The following ZDHHC11 variants were observed in gnomAD, a reference collection of about 807,000 sequenced individuals.
ZDHHC11 encodes the protein palmitoyltransferase ZDHHC11.
A neutral mutation model predicts 51.3 loss-of-function variants in ZDHHC11; 44 were observed. The ratio of observed to expected loss-of-function variants is 0.86; its 90% CI spans 0.67 to 1.10. The LOEUF (loss-of-function observed/expected upper bound fraction) is 1.10, where lower values mean the gene tolerates loss of function less well. Ranked by LOEUF, ZDHHC11 falls within the 50% of genes least tolerant of loss-of-function variation. The pLI, the probability that ZDHHC11 is intolerant of heterozygous loss-of-function variation, is 0.00. For synonymous variants in ZDHHC11, 163 were observed against 222.0 expected (o/e 0.73, Z 2.36); for missense variants, 400 against 537.7 (o/e 0.74, Z 2.53).
intron 12 of ZDHHC11, among the ~76,000 whole-genome samples, chr5:800,737 A>T (rs562752055): frequency 6.6e-6 from 1 of 151,604 alleles, no homozygotes; most frequent in East Asian, 1.9e-4. Context: ...GCATCTAATC[A>T]GAGACCATCT....
intron 1 of ZDHHC11, among the ~76,000 whole-genome samples, chr5:850,079 G>A (rs1164815810): frequency 3.9e-5 from 6 of 152,268 alleles, no homozygotes; most frequent in Admixed American, 2.6e-4. Context: ...GCTGCGCAGG[G>A]ATTTTAGCGG....
At chr5:801,588 C>A (rs551234837) in intron 11 of ZDHHC11, among the ~76,000 whole-genome samples, 3 of 151,148 alleles carry the variant, frequency 2.0e-5, no homozygotes, top group African/African-American at 4.9e-5. Flanking sequence ...TGTTTTTATA[C>A]CCACATCTTG....
rs960791931 is a variant in ZDHHC11 at position 802,804 on chromosome 5, T to C, written c.1182-1640A>G. On this transcript the variant is annotated intron_variant, in intron 11 of 12. Transcript: ENST00000283441. ...CTGGCTAACATGGTGAAACTCTGTC[T>C]CTACTAAAAATACAAAAATACAAAA... Among the ~76,000 whole-genome samples the C allele has an allele frequency of 1.6e-4, 16 of 99,966 alleles. No individual in the cohort carries two copies. The Admixed American group carries it at 2.3e-3, about 15-fold the overall frequency. 65.6% of individuals were successfully genotyped at this position (99,966 alleles called of 152,430 possible).
intron 6 of ZDHHC11, among the ~76,000 whole-genome samples, chr5:834,070 C>T (rs1246809749): frequency 3.9e-5 from 6 of 152,270 alleles, no homozygotes; most frequent in African/African-American, 1.4e-4. Flanking sequence ...AGTGTGGTGG[C>T]ACTTTACACC....
upstream of ZDHHC11, among the ~76,000 whole-genome samples, chr5:855,650 CCA>C (rs1748109933): frequency 6.7e-6 from 1 of 148,778 alleles, no homozygotes; most frequent in Admixed American, 6.7e-5. Context: ...GGCACAGACC[CCA>C]CAGAGGACAG....
At chr5:848,936 G>A (rs1377165550) in intron 1 of ZDHHC11, among the ~76,000 whole-genome samples, 2 of 151,874 alleles carry the variant, frequency 1.3e-5, no homozygotes, top group Non-Finnish European at 2.9e-5. Context: ...TGCACAGCCA[G>A]CCCTGCACAC....
At position 825,242 on chromosome 5, in the gene ZDHHC11, G is replaced by A. The variant is rs373280915; in HGVS notation, c.945C>T (p.Ala315=). Residue 315 remains alanine (A), a synonymous_variant, in exon 8 of 13, where the codon GCC becomes GCT. Coordinates refer to ENST00000283441, the MANE Select transcript of ZDHHC11 (RefSeq NM_024786.3). ...ALGSSAQGVK[A]KSSLLIHKHL... The stretch of plus-strand genomic sequence containing the variant: ...GCTTGTGAATCAGCAGGGAGCTCTT[G>A]GCTTTGACTCTGGTGGGACAGAAAG... The A allele has an allele frequency of 2.5e-6, 4 of 1,612,484 alleles. No homozygotes were observed. The highest frequency in any genetic ancestry group is 3.4e-6 in the Non-Finnish European group (4 of 1,178,998).
At chr5:857,341 C>T (rs991845445) in intron 1 of ZDHHC11, among the ~76,000 whole-genome samples, 2 of 152,192 alleles carry the variant, frequency 1.3e-5, no homozygotes, top group Admixed American at 6.5e-5. Flanking sequence ...GGGACTCCAT[C>T]CTTCTCTGCA....
At position 825,222 on chromosome 5, in the gene ZDHHC11, T is replaced by G. The variant is rs1742173197; in HGVS notation, c.965A>C (p.His322Pro). The G allele has an allele frequency of 1.9e-6, 3 of 1,612,686 alleles. No homozygotes were observed. The highest frequency in any genetic ancestry group is 2.7e-5 in the African/African-American group (2 of 74,786). ...AGTGCAGAAGTGACATAAGTGCTTG[T>G]GAATCAGCAGGGAGCTCTTGGCTTT... ...GVKAKSSLLI[H>P]KHLCHFCTSV... Residue 322 changes from histidine (H) to proline (P), a missense_variant, in exon 8 of 13, where the codon CAC becomes CCC. This residue lies in a region of ZDHHC11 where 231 missense variants were observed against 227.4 expected (regional missense o/e 1.02). Transcript: ENST00000283441.
rs190869209 is a variant in ZDHHC11 at position 797,657 on chromosome 5, G to T, written c.*8-1077C>A. On this transcript the variant is annotated intron_variant, in intron 12 of 12. Transcript: ENST00000283441. ...TATCTGCTTTGTAATTTAAAAAATA[G>T]TTTTCTGTTCTCTTCAGATATTTCT... is the stretch of plus-strand genomic sequence containing the variant. Among the ~76,000 whole-genome samples, 76 of 151,526 alleles carry T rather than the reference G, an allele frequency of 5.0e-4. 1 individual carries two copies. The highest frequency in any genetic ancestry group is 1.7e-3 in the African/African-American group (71 of 41,360).
upstream of ZDHHC11, among the ~76,000 whole-genome samples, chr5:852,255 TAGAG>T (rs1747334531): frequency 6.6e-6 from 1 of 151,998 alleles, no homozygotes; most frequent in African/African-American, 2.4e-5. Flanking sequence ...CCACAGATCT[TAGAG>T]AGGAGAAGAG....
At chr5:806,025 GACACC>G (rs1414742219) in intron 11 of ZDHHC11, among the ~76,000 whole-genome samples, 1 of 151,286 alleles carries the variant, frequency 6.6e-6, no homozygotes, top group East Asian at 1.9e-4. Flanking sequence ...CTGACGTCAG[GACACC>G]AGAGGTGTGG....
intron 1 of ZDHHC11, 23 bp downstream of exon 1, chr5:850,358 C>T (rs72491326): frequency 1.2e-6 from 2 of 1,611,588 alleles, no homozygotes; most frequent in Non-Finnish European, 1.7e-6. Context: ...CCCGCTTAGA[C>T]CATGCCACGA....
At chr5:836,189 C>T (rs1352717949) in intron 6 of ZDHHC11, among the ~76,000 whole-genome samples, 2 of 150,212 alleles carry the variant, frequency 1.3e-5, no homozygotes, top group African/African-American at 2.5e-5. Flanking sequence ...GCTTTCCTAT[C>T]ATTCCTAGGT....
Position 850,668 on chromosome 5 carries a change from C to T in ZDHHC11, c.-66G>A. On this transcript the variant is annotated 5_prime_UTR_variant, in exon 1 of 13. Transcript: ENST00000283441. ...TGGGAGGGCCGGCCCCGCCCACTGT[C>T]ACAGAGACCAAGGGGACTGGGAATG... 1.3e-6 allele frequency: 2 copies of T among 1,579,110 alleles called. No homozygotes were observed. Among genetic ancestry groups the T allele is most frequent in the South Asian group, 2.3e-5 (2 of 86,670 alleles).
chr5:834,875 G>A (rs1486756829), intron 6 of ZDHHC11, among the ~76,000 whole-genome samples: 1 of 151,902 alleles, frequency 6.6e-6, no homozygotes, highest in Non-Finnish European at 1.5e-5. Flanking sequence ...TATAAGCACT[G>A]GGAAACCAGA....
chr5:814,786 C>T lies in ZDHHC11; in HGVS notation c.1156G>A (p.Asp386Asn), dbSNP rs1053689511. The change falls in exon 11 of 13, where the codon GAT becomes AAT. Residue 386 changes from aspartate to asparagine, a missense_variant. This residue lies in a region of ZDHHC11 where 231 missense variants were observed against 227.4 expected (regional missense o/e 1.02). Transcript: ENST00000283441. Reference sequence around the variant, plus strand: ...CCAAGTGTAGATATACTCGGGGCATCATCTGCTTCCTGTGGGGGGAAGGGA... The same window carrying T: ...CCAAGTGTAGATATACTCGGGGCATTATCTGCTTCCTGTGGGGGGAAGGGA... ...DGGSMAQEAD[D>N]APSISTLGLQ... 1.2e-5 allele frequency: 18 copies of T among 1,547,312 alleles called. 1 individual carries two copies. The highest frequency in any genetic ancestry group is 1.4e-5 in the Non-Finnish European group (16 of 1,146,600).
chr5:800,131 C>T (rs1323376361), intron 12 of ZDHHC11, among the ~76,000 whole-genome samples: 2 of 151,304 alleles, frequency 1.3e-5, no homozygotes, highest in East Asian at 1.9e-4. Context: ...TGCTGGGAGA[C>T]CTTGACCTTC....
rs569520235 is a variant in ZDHHC11, at chr5:812,413, C to T, written c.1181+2348G>A. On this transcript the variant is annotated intron_variant, in intron 11 of 12. Transcript: ENST00000283441. Reference sequence around the variant, plus strand: ...ACAAACAACTCCATTTAAAAGTGCGCAAACCTTTGAAAAGCTAATTCATAC... The same window carrying T: ...ACAAACAACTCCATTTAAAAGTGCGTAAACCTTTGAAAAGCTAATTCATAC... Among the ~76,000 whole-genome samples the T allele has an allele frequency of 3.2e-4, 49 of 151,880 alleles. 1 individual carries two copies. The highest frequency in any genetic ancestry group is 6.3e-4 in the Non-Finnish European group (43 of 67,850).
Sources: gnomAD v4.1 joint callset for allele counts (sites outside exome capture counted in the v4.1 genomes callset) on GRCh38, gnomAD v4.1.1 for gene constraint, gnomAD v4.1.1 regional missense constraint, MANE v1.5 for transcripts, NCBI Gene and HGNC (gene_info 2026-07-23, HGNC 2026-07-21) for gene names.